The following PSIP1 variants were observed in gnomAD, a reference collection of about 807,000 sequenced individuals.
PSIP1 encodes the protein PC4 and SRSF1 interacting protein 1, also known as PC4 and SFRS1-interacting protein.
In PSIP1, 19 loss-of-function variants were observed where a neutral mutation model predicts 74.7. The ratio of observed to expected loss-of-function variants is 0.25; its 90% confidence interval spans 0.18 to 0.37. PSIP1 has a LOEUF of 0.37. PSIP1 is among the 10% of genes least tolerant of loss of function. The pLI is 1.00. For synonymous variants in PSIP1, 222 were observed against 195.3 expected, an observed-to-expected ratio of 1.14 and a Z score of -1.14; for missense variants, 601 against 614.3, an observed-to-expected ratio of 0.98 and a Z score of 0.23.
In PSIP1 at chr9:15,469,969, C is replaced by T. The variant is rs1402398556; in HGVS notation, c.1002G>A (p.Lys334=). ...TEQQNKDEGK[K]PEVKKVEKKR... The stretch of plus-strand genomic sequence containing the variant: ...TCTTCTCCACTTTCTTAACTTCTGG[C>T]TTCTTTCCTTCATCTTTATTCTGCC... The change falls in exon 11 of 16, where the codon AAG becomes AAA. Residue 334 remains lysine (K), a synonymous_variant. Transcript: ENST00000380733. The T allele has an allele frequency of 6.2e-7, 1 of 1,607,114 alleles. No individual in the cohort carries two copies. Among genetic ancestry groups the T allele is most frequent in the Non-Finnish European group, 8.5e-7 (1 of 1,177,644 alleles).
chr9:15,471,735 A>C (rs1291425347), intron 10 of PSIP1: 1 of 965,346 alleles, frequency 1.0e-6, no homozygotes, highest in Admixed American at 6.2e-5. Flanking sequence ...CTTGTCAAGA[A>C]AGACTTTGGC....
At position 15,510,346 on chromosome 9, in the gene PSIP1, G is replaced by A. The variant is rs1473666892; in HGVS notation, c.-141-17C>T. The A allele has an allele frequency of 1.5e-5, 7 of 458,922 alleles. No individual in the cohort carries two copies. The highest frequency in any genetic ancestry group is 5.9e-4 in the Middle Eastern group (1 of 1,690). The allele number at this position is 458,922 out of a possible 1,614,324, so 28.4% of individuals were successfully genotyped here. A position where few individuals can be genotyped will look rare whatever the true frequency, so the allele number is the denominator to read the frequency against. Reference sequence around the variant, plus strand: ...ACGCGCCTGCTAGGGAGAGCACCGAGGGCGGTTAAAGCGAAGAACCCCGAA... The same window carrying A: ...ACGCGCCTGCTAGGGAGAGCACCGAAGGCGGTTAAAGCGAAGAACCCCGAA... On this transcript the variant is annotated splice_polypyrimidine_tract_variant and intron_variant, in intron 1 of 15. Transcript: ENST00000380733.
intron 9 of PSIP1, among the ~76,000 whole-genome samples, chr9:15,473,763 T>A (rs2035943184): frequency 6.6e-6 from 1 of 151,842 alleles, no homozygotes; most frequent in Non-Finnish European, 1.5e-5. Context: ...TAGCCGGTAG[T>A]GGTGGCACAT....
At chr9:15,475,031 G>A (rs969156754) in intron 8 of PSIP1, among the ~76,000 whole-genome samples, 2 of 152,076 alleles carry the variant, frequency 1.3e-5, no homozygotes, top group Admixed American at 1.3e-4. Context: ...ATGAGAAAAT[G>A]ATGATGCAAA....
At chr9:15,501,432 A>G (rs75411666) in intron 3 of PSIP1, among the ~76,000 whole-genome samples, 1,705 of 152,234 alleles carry the variant, frequency 0.011, 22 homozygotes, top group African/African-American at 0.039. Flanking sequence ...CAGTGGGGAA[A>G]ATAAACACGA....
chr9:15,487,224 A>T (rs1015589323), intron 4 of PSIP1, among the ~76,000 whole-genome samples: 1 of 151,866 alleles, frequency 6.6e-6, no homozygotes, highest in Non-Finnish European at 1.5e-5. Context: ...CCAAGATTAT[A>T]TGGTGACAAG....
At chr9:15,492,594 C>G (rs935685327) in intron 3 of PSIP1, among the ~76,000 whole-genome samples, 1 of 152,162 alleles carries the variant, frequency 6.6e-6, no homozygotes, top group Non-Finnish European at 1.5e-5. Context: ...GCCTTCTTCT[C>G]ACAGCCAGTG....
At chr9:15,510,732 C>G (rs904450631) in intron 1 of PSIP1, 85 bp downstream of exon 1, 1 of 152,202 alleles carries the variant, frequency 6.6e-6, no homozygotes, top group Non-Finnish European at 1.5e-5. Flanking sequence ...CCTCGGCTCC[C>G]GGGCGGGCCG....
chr9:15,481,334 G>A (rs1302653767), intron 6 of PSIP1, among the ~76,000 whole-genome samples: 1 of 152,146 alleles, frequency 6.6e-6, no homozygotes, highest in Non-Finnish European at 1.5e-5. Flanking sequence ...CAATTCTTTG[G>A]TGCAAAGAAG....
intron 6 of PSIP1, among the ~76,000 whole-genome samples, chr9:15,485,463 TATG>T (rs1387793698): frequency 1.3e-5 from 2 of 152,214 alleles, no homozygotes; most frequent in African/African-American, 4.8e-5. Flanking sequence ...ATCTTTGGTA[TATG>T]ATAATAATTT....
intron 10 of PSIP1, chr9:15,471,450 G>A (rs1479570721): frequency 7.0e-7 from 1 of 1,423,954 alleles, no homozygotes; most frequent in Admixed American, 2.7e-5. Flanking sequence ...AGAAGGGTTG[G>A]GCTACATATA....
At chr9:15,488,983 T>A (rs930824155) in intron 4 of PSIP1, among the ~76,000 whole-genome samples, 2 of 152,104 alleles carry the variant, frequency 1.3e-5, no homozygotes, top group African/African-American at 4.8e-5. Context: ...ATAGAGCCAA[T>A]GCACCCCAGC....
chr9:15,471,829 C>G (rs1464825686), intron 10 of PSIP1: 4 of 959,258 alleles, frequency 4.2e-6, no homozygotes, highest in Non-Finnish European at 5.0e-6. Context: ...GTCTTATTGA[C>G]CTAGAGCATG....
At chr9:15,482,831 C>G (rs1418845080) in intron 6 of PSIP1, among the ~76,000 whole-genome samples, 1 of 152,192 alleles carries the variant, frequency 6.6e-6, no homozygotes, top group African/African-American at 2.4e-5. Flanking sequence ...CATTTATTCT[C>G]TAACCCCTTA....
chr9:15,506,632 G>C lies in PSIP1; in HGVS notation c.78C>G (p.Asp26Glu), dbSNP rs771167174. Reference sequence around the variant, plus strand: ...GCTTTACAGCTCCATCAGGAACTTCGTCTACCTAAAAGAAAAGTGAGAAAA... The same window carrying C: ...GCTTTACAGCTCCATCAGGAACTTCCTCTACCTAAAAGAAAAGTGAGAAAA... Reference protein sequence around the residue: ...KGYPHWPARVDEVPDGAVKPP... With the variant: ...KGYPHWPARVEEVPDGAVKPP... The change falls in exon 3 of 16, where the codon GAC becomes GAG. Residue 26 changes from aspartate to glutamate, a missense_variant. Coordinates refer to ENST00000380733, the MANE Select transcript of PSIP1 (RefSeq NM_033222.5). The C allele has an allele frequency of 6.2e-7, 1 of 1,608,142 alleles. No homozygotes were observed. The highest frequency in any genetic ancestry group is 2.2e-5 in the East Asian group (1 of 44,818).
chr9:15,471,374 G>C (rs1419504360), intron 10 of PSIP1: 24 of 1,543,714 alleles, frequency 1.6e-5, no homozygotes, highest in South Asian at 4.6e-5. Flanking sequence ...ATTAGAATTT[G>C]AGAAAGTTAC....
In PSIP1 at chr9:15,468,850, AAAC is replaced by A; in HGVS notation, c.1207-10_1207-8del. The A allele has an allele frequency of 6.2e-7, 1 of 1,611,552 alleles. No individual in the cohort carries two copies. Among genetic ancestry groups the A allele is most frequent in the African/African-American group, 1.3e-5 (1 of 74,986 alleles). ...TAACTTTGAATCGCCGTATCTGAGA[AAAC>A]AATATACATTCATCATAATTGTTTT... On this transcript the variant is annotated splice_polypyrimidine_tract_variant and splice_region_variant and intron_variant, in intron 13 of 15. Transcript: ENST00000380733.
At chr9:15,498,867 A>C (rs2037204462) in intron 3 of PSIP1, among the ~76,000 whole-genome samples, 1 of 152,236 alleles carries the variant, frequency 6.6e-6, no homozygotes, top group African/African-American at 2.4e-5. Context: ...TATATACGAC[A>C]GAAGCTCCTT....
chr9:15,502,229 T>C (rs937072143), intron 3 of PSIP1, among the ~76,000 whole-genome samples: 15 of 152,094 alleles, frequency 9.9e-5, no homozygotes, highest in Admixed American at 4.6e-4. Flanking sequence ...CCTAATACAA[T>C]GTAAATGCTA....
Sources: gnomAD v4.1 joint callset for allele counts (sites outside exome capture counted in the v4.1 genomes callset) on GRCh38, gnomAD v4.1.1 for gene constraint, MANE v1.5 for transcripts, NCBI Gene and HGNC (gene_info 2026-07-23, HGNC 2026-07-21) for gene names.